MIR2052HG: variants seen among roughly 807,000 people sequenced by gnomAD.
MIR2052HG encodes MIR2052 host gene.
chr8:74,667,560 T>C (rs1299084280), intron 2 of MIR2052HG, among the ~76,000 whole-genome samples: 2 of 152,158 alleles, frequency 1.3e-5, no homozygotes, highest in African/African-American at 4.8e-5. Context: ...TTTTAAAGTA[T>C]CTTTTGCCTC....
rs565389126 is a variant in MIR2052HG at position 74,733,314 on chromosome 8, G to A, written n.372-19127G>A. On this transcript the variant is annotated intron_variant and non_coding_transcript_variant, in intron 4 of 6. Transcript: ENST00000523442. Reference sequence around the variant, plus strand: ...TTCTCATTATTCAATTCCCACCTATGAGTGAGTATATGCAGTGTTTGGTTT... The same window carrying A: ...TTCTCATTATTCAATTCCCACCTATAAGTGAGTATATGCAGTGTTTGGTTT... Among the ~76,000 whole-genome samples the A allele has an allele frequency of 4.6e-5, 7 of 152,004 alleles. No individual in the cohort carries two copies. The South Asian group carries it at 1.5e-3, about 32-fold the overall frequency.
At chr8:74,673,887 GTATATATA>G (rs61228134) in intron 2 of MIR2052HG, among the ~76,000 whole-genome samples, 2 of 121,666 alleles carry the variant, frequency 1.6e-5, no homozygotes, top group African/African-American at 7.8e-5. Context: ...GTATTTTTTT[GTATATATA>G]TATATATATA....
chr8:74,603,207 G>A lies in MIR2052HG; in HGVS notation n.128+3299G>A, dbSNP rs151236513. 2.1e-4 allele frequency: 218 copies of A among 1,058,140 alleles called. No homozygotes were observed. In the African/African-American group the frequency reaches 2.9e-3, roughly 14 times the overall value. The allele number at this position is 1,058,140 out of a possible 1,614,324, so 65.5% of individuals were successfully genotyped here. On this transcript the variant is annotated intron_variant and non_coding_transcript_variant, in intron 1 of 6. Transcript: ENST00000523442. Reference sequence around the variant, plus strand: ...TACAAACTATTTAAAACCTGAAATCGCTGACTGTTCAGAAACTACACAGAT... The same window carrying A: ...TACAAACTATTTAAAACCTGAAATCACTGACTGTTCAGAAACTACACAGAT...
At chr8:74,712,108 C>T (rs1292217600) in intron 4 of MIR2052HG, among the ~76,000 whole-genome samples, 2 of 152,176 alleles carry the variant, frequency 1.3e-5, no homozygotes, top group African/African-American at 4.8e-5. Flanking sequence ...TTGGGTTTTT[C>T]TGGGCAAGTT....
At chr8:74,718,653 A>G (rs1024700603) in intron 4 of MIR2052HG, among the ~76,000 whole-genome samples, 1 of 152,212 alleles carries the variant, frequency 6.6e-6, no homozygotes, top group African/African-American at 2.4e-5. Flanking sequence ...CTGCTATAAC[A>G]AAGTACCACA....
intron 3 of MIR2052HG, among the ~76,000 whole-genome samples, chr8:74,702,975 A>G (rs1563535514): frequency 6.6e-6 from 1 of 152,094 alleles, no homozygotes. Flanking sequence ...GAGGGGTGTT[A>G]CGTTCTCTGA....
chr8:74,652,231 G>A (rs1346979769), intron 2 of MIR2052HG, among the ~76,000 whole-genome samples: 1 of 152,182 alleles, frequency 6.6e-6, no homozygotes, highest in African/African-American at 2.4e-5. Flanking sequence ...CTGCCTGTGG[G>A]AGCACACTGC....
intron 2 of MIR2052HG, among the ~76,000 whole-genome samples, chr8:74,657,911 A>G (rs1158767202): frequency 6.6e-6 from 1 of 152,140 alleles, no homozygotes; most frequent in East Asian, 1.9e-4. Context: ...CATTTTCACA[A>G]GATCCCTAGG....
chr8:74,633,310 G>C lies in MIR2052HG; in HGVS notation n.216+20370G>C, dbSNP rs560939273. 13 of 152,324 alleles carry C rather than the reference G, an allele frequency of 8.5e-5. 1 individual carries two copies. The South Asian group carries it at 2.7e-3, about 32-fold the overall frequency. 9.4% of individuals were successfully genotyped at this position (152,324 alleles called of 1,614,324 possible). ...CCCAAAGTGCTGGGATTATATGTGT[G>C]AACCCTTTCCAGCACACATCCCACT... On this transcript the variant is annotated intron_variant and non_coding_transcript_variant, in intron 2 of 6. Coordinates refer to ENST00000523442, the Ensembl canonical transcript of MIR2052HG.
intron 4 of MIR2052HG, among the ~76,000 whole-genome samples, chr8:74,740,631 C>T (rs948914174): frequency 6.6e-6 from 1 of 151,936 alleles, no homozygotes; most frequent in Non-Finnish European, 1.5e-5. Flanking sequence ...AGGATAGAAA[C>T]CTAAATAAAA....
intron 2 of MIR2052HG, among the ~76,000 whole-genome samples, chr8:74,699,414 GTGTA>G (rs1461680775): frequency 6.4e-5 from 7 of 108,722 alleles, no homozygotes; most frequent in South Asian, 2.9e-4. Flanking sequence ...GTGTGTGTGT[GTGTA>G]TATATATATA....
chr8:74,686,340 T>TA (rs566428801), intron 2 of MIR2052HG, among the ~76,000 whole-genome samples: 11 of 152,160 alleles, frequency 7.2e-5, no homozygotes, highest in African/African-American at 2.6e-4. Flanking sequence ...CTGACTGACT[T>TA]ACAATTTTTT....
At chr8:74,696,592 A>G (rs1249471536) in intron 2 of MIR2052HG, among the ~76,000 whole-genome samples, 1 of 152,148 alleles carries the variant, frequency 6.6e-6, no homozygotes, top group South Asian at 2.1e-4. Context: ...CAAGAATAGA[A>G]GAGACAAGAT....
At chr8:74,660,577 A>G (rs1035685289) in intron 2 of MIR2052HG, among the ~76,000 whole-genome samples, 12 of 152,230 alleles carry the variant, frequency 7.9e-5, no homozygotes, top group African/African-American at 2.9e-4. Flanking sequence ...ATAAAATATT[A>G]CTTGTTTCTC....
chr8:74,745,605 A>T (rs73341205), intron 4 of MIR2052HG, among the ~76,000 whole-genome samples: 5,898 of 152,182 alleles, frequency 0.039, 391 homozygotes, highest in African/African-American at 0.13. Flanking sequence ...GCAAAACTAC[A>T]TAAAACAAAG....
At chr8:74,681,826 G>C (rs898268612) in intron 2 of MIR2052HG, among the ~76,000 whole-genome samples, 2 of 152,124 alleles carry the variant, frequency 1.3e-5, no homozygotes, top group South Asian at 2.1e-4. Flanking sequence ...GTGGTATTCT[G>C]TTATAGCAGA....
intron 2 of MIR2052HG, among the ~76,000 whole-genome samples, chr8:74,678,563 C>CAAAAAAAAAAAAAAA (rs763073114): frequency 1.9e-5 from 1 of 53,522 alleles, no homozygotes; most frequent in Non-Finnish European, 3.5e-5. Context: ...GAGTTTGTCT[C>CAAAAAAAAAAAAAAA]AAAAAAAAAA....
In MIR2052HG at chr8:74,655,771, C is replaced by T. The variant is rs182310518; in HGVS notation, n.216+42831C>T. Among the ~76,000 whole-genome samples the T allele has an allele frequency of 6.6e-4, 101 of 152,246 alleles. No homozygotes were observed. The Middle Eastern group carries it at 0.014, about 21-fold the overall frequency. On this transcript the variant is annotated intron_variant and non_coding_transcript_variant, in intron 2 of 6. Transcript: ENST00000523442. Reference sequence around the variant, plus strand: ...CATACTAGGGCATCATCTAGTGAAGCTGTGAGAAGAGGGCCACCATCCTTC... The same window carrying T: ...CATACTAGGGCATCATCTAGTGAAGTTGTGAGAAGAGGGCCACCATCCTTC...
intron 2 of MIR2052HG, among the ~76,000 whole-genome samples, chr8:74,684,116 T>C (rs1163373872): frequency 6.6e-6 from 1 of 152,148 alleles, no homozygotes; most frequent in African/African-American, 2.4e-5. Flanking sequence ...CCTTGAGCTA[T>C]GTAAGCAGTT....
Sources: allele counts gnomAD v4.1 joint callset (sites outside exome capture counted in the v4.1 genomes callset), GRCh38; gene constraint gnomAD v4.1.1; transcripts MANE v1.5; gene names NCBI Gene and HGNC (gene_info 2026-07-23, HGNC 2026-07-21).